The following IRAG2 variants were observed in gnomAD, a reference collection of about 807,000 sequenced individuals.
The protein encoded by IRAG2 is inositol 1,4,5-triphosphate receptor associated 2, also known as lymphoid restricted membrane protein.
A neutral mutation model predicts 69.9 loss-of-function variants in IRAG2; 45 were observed. The observed-to-expected ratio is 0.64, with a 90% CI of 0.51 to 0.83. The LOEUF (loss-of-function observed/expected upper bound fraction) is 0.83, where lower values mean the gene tolerates loss of function less well. Among genes scored for constraint, IRAG2 ranks in the 40% least tolerant of loss-of-function variants. The pLI is 0.00. For synonymous variants in IRAG2, 193 were observed against 202.4 expected (o/e 0.95, Z 0.40); for missense variants, 520 against 587.0 (o/e 0.89, Z 1.18).
chr12:25,101,418 T>G (rs1948743871), intron 16 of IRAG2, 93 bp downstream of exon 16: 1 of 837,132 alleles, frequency 1.2e-6, no homozygotes, highest in Non-Finnish European at 1.7e-6. Context: ...ATAATAAAAC[T>G]CTTAGGTTAA....
At chr12:25,021,482 G>C (rs916608177) in intron 7 of IRAG2, among the ~76,000 whole-genome samples, 2 of 152,078 alleles carry the variant, frequency 1.3e-5, no homozygotes, top group African/African-American at 2.4e-5. Flanking sequence ...AGTACTTGCA[G>C]GTTACTGAGA....
At chr12:25,067,259 A>C (rs964289040) in intron 5 of IRAG2, among the ~76,000 whole-genome samples, 3 of 152,066 alleles carry the variant, frequency 2.0e-5, no homozygotes, top group Admixed American at 6.5e-5. Context: ...CACACTCACC[A>C]ATGGAGTGTT....
chr12:25,016,304 G>C (rs187377488), intron 5 of IRAG2, among the ~76,000 whole-genome samples: 2 of 152,076 alleles, frequency 1.3e-5, no homozygotes. Context: ...ACACAGTCCA[G>C]AATCTTAAAG....
Position 25,035,701 on chromosome 12 carries a change from G to C in IRAG2, c.1792G>C (p.Asp598His), listed in dbSNP as rs536168487. The C allele has an allele frequency of 7.5e-6, 3 of 399,012 alleles. No individual in the cohort carries two copies. In the South Asian group the frequency reaches 3.8e-4, roughly 51 times the overall value. 24.7% of individuals were successfully genotyped at this position (399,012 alleles called of 1,614,324 possible). A position where few individuals can be genotyped will look rare whatever the true frequency, so the allele number is the denominator to read the frequency against. ...CAATGTAATCAACTTGTCATCTCTG[G>C]ACGCCATGATGGATCAGGAAATGCT... is the stretch of plus-strand genomic sequence containing the variant. The change falls in exon 14 of 39, where the codon GAC (aspartate) becomes CAC (histidine). Residue 598 changes from aspartate to histidine, a missense_variant. Physicochemically the swap from Asp to His is moderately conservative, Grantham distance 81. Transcript: ENST00000636465.
At chr12:25,061,502 G>T (rs1385943718) in intron 1 of IRAG2, 90 bp from the exon 2 acceptor site, 15 of 396,778 alleles carry the variant, frequency 3.8e-5, no homozygotes, top group Non-Finnish European at 6.2e-5. Context: ...TCCAATCTGG[G>T]CAATAGAACC....
At chr12:25,105,707 A>G (rs1023427897) in intron 20 of IRAG2, among the ~76,000 whole-genome samples, 1 of 152,182 alleles carries the variant, frequency 6.6e-6, no homozygotes, top group Non-Finnish European at 1.5e-5. Context: ...TTAGTATGGT[A>G]TGATTTCTAC....
chr12:25,032,954 C>G (rs976142294), intron 12 of IRAG2, among the ~76,000 whole-genome samples: 30 of 93,224 alleles, frequency 3.2e-4, no homozygotes, highest in African/African-American at 1.0e-3. Flanking sequence ...GTAACTCTTT[C>G]TTTCTTTTTT....
At chr12:25,085,246 G>A (rs753562966) in intron 10 of IRAG2, among the ~76,000 whole-genome samples, 6 of 152,254 alleles carry the variant, frequency 3.9e-5, no homozygotes, top group Non-Finnish European at 5.9e-5. Context: ...CAGATCACAC[G>A]TGAGCTGGAA....
upstream of IRAG2, among the ~76,000 whole-genome samples, chr12:25,001,446 G>A (rs1004306982): frequency 5.9e-5 from 9 of 151,648 alleles, no homozygotes; most frequent in East Asian, 3.9e-4. Flanking sequence ...ACCCTGTCTC[G>A]AAAATAAATA....
chr12:25,090,985 G>T, intron 14 of IRAG2: 1 of 346,476 alleles, frequency 2.9e-6, no homozygotes, highest in Non-Finnish European at 5.8e-6. Context: ...AGAGAAGAAT[G>T]GGGGTGCAGA....
chr12:25,097,103 G>C, intron 15 of IRAG2, 59 bp downstream of exon 15: 1 of 1,505,836 alleles, frequency 6.6e-7, no homozygotes, highest in African/African-American at 1.4e-5. Context: ...CACTTTTCCT[G>C]AGACTATGGA....
At chr12:25,098,325 C>T (rs1948545046) in intron 15 of IRAG2, among the ~76,000 whole-genome samples, 2 of 152,210 alleles carry the variant, frequency 1.3e-5, no homozygotes. Context: ...CCCACCCTTT[C>T]CTTTCTCCTC....
intron 1 of IRAG2, among the ~76,000 whole-genome samples, chr12:25,054,931 G>A (rs935674922): frequency 1.3e-5 from 2 of 152,164 alleles, no homozygotes; most frequent in African/African-American, 2.4e-5. Context: ...ACACAAACAC[G>A]TCCACGCACA....
intron 16 of IRAG2, among the ~76,000 whole-genome samples, chr12:25,040,676 A>G (rs1944741011): frequency 6.6e-6 from 1 of 152,234 alleles, no homozygotes. Flanking sequence ...GCTGTGGGAC[A>G]AATAGGCTCT....
chr12:25,011,425 A>T, exon 3 of IRAG2: 5 of 1,231,706 alleles, frequency 4.1e-6, no homozygotes, highest in Non-Finnish European at 5.1e-6. Flanking sequence ...ACTAGCCAAA[A>T]TTCTGAAGAC....
intron 14 of IRAG2, among the ~76,000 whole-genome samples, chr12:25,096,133 G>GA (rs34217105): frequency 0.91 from 139,335 of 152,294 alleles, 64,985 homozygotes; most frequent in East Asian, 1. Flanking sequence ...GACAGATAAG[G>GA]AACAGCAAAT....
intron 10 of IRAG2, 95 bp downstream of exon 10, chr12:25,083,588 T>A: frequency 1.4e-6 from 1 of 720,050 alleles, no homozygotes; most frequent in Non-Finnish European, 2.4e-6. Context: ...TTATCTCATT[T>A]ATCCTTTCAA....
intron 2 of IRAG2, among the ~76,000 whole-genome samples, chr12:25,008,220 G>A (rs1260896510): frequency 2.0e-5 from 3 of 152,230 alleles, no homozygotes; most frequent in Admixed American, 6.5e-5. Flanking sequence ...TCTATTCCGC[G>A]TTATGAACTA....
chr12:25,017,325 CTTTCA>C (rs1417721641), intron 6 of IRAG2: 1 of 1,231,238 alleles, frequency 8.1e-7, no homozygotes, highest in African/African-American at 1.6e-5. Context: ...GTGCGGGGAA[CTTTCA>C]TTTCTTTTTT....
Sources: gnomAD v4.1 joint callset for allele counts (sites outside exome capture counted in the v4.1 genomes callset) on GRCh38, gnomAD v4.1.1 for gene constraint, MANE v1.5 for transcripts, NCBI Gene and HGNC (gene_info 2026-07-23, HGNC 2026-07-21) for gene names.